Variants in MACROD2 observed in about 807,000 individuals in gnomAD.
The protein encoded by MACROD2 is mono-ADP ribosylhydrolase 2.
MACROD2 carries 36 observed loss-of-function variants against 70.4 expected under a neutral mutation model. The ratio of observed to expected loss-of-function variants is 0.51; its 90% CI spans 0.39 to 0.68. The LOEUF (loss-of-function observed/expected upper bound fraction) is 0.68. Among genes scored for constraint, MACROD2 ranks in the 30% least tolerant of loss-of-function variants. The probability of loss-of-function intolerance (pLI) is 0.00; values close to 1 mark genes in which losing one functional copy is unlikely to be tolerated. For synonymous variants in MACROD2, 172 were observed against 178.8 expected, an observed-to-expected ratio of 0.96 and a Z score of 0.30; for missense variants, 496 against 538.4, an observed-to-expected ratio of 0.92 and a Z score of 0.78.
chr20:15,307,546 A>G (rs1008947188), intron 6 of MACROD2, among the ~76,000 whole-genome samples: 2 of 152,108 alleles, frequency 1.3e-5, no homozygotes, highest in African/African-American at 4.8e-5. Context: ...TGTTATTTCT[A>G]TTTCCCAACT....
At chr20:14,279,251 A>G (rs1404802016) in intron 3 of MACROD2, among the ~76,000 whole-genome samples, 8 of 152,208 alleles carry the variant, frequency 5.3e-5, no homozygotes, top group South Asian at 4.1e-4. Context: ...TTCACAGACT[A>G]TCTTCTCTCC....
At chr20:15,603,423 G>T (rs894517238) in intron 8 of MACROD2, among the ~76,000 whole-genome samples, 12 of 150,682 alleles carry the variant, frequency 8.0e-5, no homozygotes, top group Admixed American at 2.0e-4. Context: ...CAGGAGAATC[G>T]CTTGAACCCG....
At chr20:14,988,488 T>C (rs578221921) in intron 5 of MACROD2, among the ~76,000 whole-genome samples, 1 of 152,292 alleles carries the variant, frequency 6.6e-6, no homozygotes, top group African/African-American at 2.4e-5. Context: ...GCAGAGGCAT[T>C]TGACTCTCTT....
At chr20:15,359,804 G>C (rs990759685) in intron 6 of MACROD2, among the ~76,000 whole-genome samples, 1 of 152,082 alleles carries the variant, frequency 6.6e-6, no homozygotes, top group African/African-American at 2.4e-5. Flanking sequence ...GTATTCTTCA[G>C]CCGGTTTCCT....
At chr20:14,982,812 G>A (rs2074813672) in intron 5 of MACROD2, among the ~76,000 whole-genome samples, 1 of 152,218 alleles carries the variant, frequency 6.6e-6, no homozygotes, top group Non-Finnish European at 1.5e-5. Flanking sequence ...ATTGGGCAGT[G>A]TGGGGTGGGA....
chr20:15,972,365 T>C (rs1168718146), intron 13 of MACROD2, among the ~76,000 whole-genome samples: 1 of 152,148 alleles, frequency 6.6e-6, no homozygotes, highest in African/African-American at 2.4e-5. Flanking sequence ...AACCCACATA[T>C]GCAAGAAGTT....
intron 6 of MACROD2, among the ~76,000 whole-genome samples, chr20:15,368,437 A>G (rs1210205377): frequency 6.9e-6 from 1 of 145,494 alleles, no homozygotes. Context: ...AAGAATATCT[A>G]TTTTCTCTTC....
Position 15,986,876 on chromosome 20 carries a change from T to G in MACROD2, c.1060+75T>G, listed in dbSNP as rs1436297641. 5.9e-6 allele frequency: 7 copies of G among 1,194,888 alleles called. No individual in the cohort carries two copies. In the East Asian group the frequency reaches 1.4e-4, roughly 24 times the overall value. The allele number at this position is 1,194,888 out of a possible 1,614,324, so 74.0% of individuals were successfully genotyped here. A position where few individuals can be genotyped will look rare whatever the true frequency, so the allele number is the denominator to read the frequency against. On this transcript the variant is annotated intron_variant, in intron 14 of 17. Transcript: ENST00000684519. ...ATCATGACTTCTATATATACCTGTG[T>G]GTGTGCGTGGTGTGTGTGTGTGTTT...
chr20:15,666,951 C>T (rs2049906862), intron 8 of MACROD2, among the ~76,000 whole-genome samples: 1 of 152,172 alleles, frequency 6.6e-6, no homozygotes, highest in Non-Finnish European at 1.5e-5. Flanking sequence ...CAGATATGTT[C>T]CCCACCTGGA....
At chr20:14,635,270 C>T (rs1362862743) in intron 4 of MACROD2, among the ~76,000 whole-genome samples, 1 of 152,160 alleles carries the variant, frequency 6.6e-6, no homozygotes, top group East Asian at 1.9e-4. Context: ...TCAATTATTG[C>T]TTGACTTCTT....
At chr20:14,329,673 G>T (rs1463433657) in intron 3 of MACROD2, among the ~76,000 whole-genome samples, 1 of 152,068 alleles carries the variant, frequency 6.6e-6, no homozygotes, top group Non-Finnish European at 1.5e-5. Context: ...ACAAGTACAT[G>T]TCAAAGAGGT....
At chr20:15,768,553 C>T (rs761235614) in intron 8 of MACROD2, among the ~76,000 whole-genome samples, 9 of 152,080 alleles carry the variant, frequency 5.9e-5, no homozygotes, top group South Asian at 2.1e-4. Context: ...CAAACATTAC[C>T]GCACACTGCT....
At chr20:15,571,971 T>G (rs553904801) in intron 8 of MACROD2, among the ~76,000 whole-genome samples, 2 of 152,236 alleles carry the variant, frequency 1.3e-5, no homozygotes, top group East Asian at 3.9e-4. Context: ...TTTGACCAGT[T>G]TTTTGTTTGT....
intron 5 of MACROD2, among the ~76,000 whole-genome samples, chr20:14,983,444 A>G (rs2074819802): frequency 6.6e-6 from 1 of 152,064 alleles, no homozygotes; most frequent in South Asian, 2.1e-4. Flanking sequence ...TCCCCACCCA[A>G]ATCTCATCTT....
chr20:14,078,740 A>G (rs931014878), intron 2 of MACROD2, among the ~76,000 whole-genome samples: 3 of 152,124 alleles, frequency 2.0e-5, no homozygotes, highest in African/African-American at 7.2e-5. Context: ...ACTGACCTTG[A>G]GATTTCCCAT....
intron 6 of MACROD2, among the ~76,000 whole-genome samples, chr20:15,337,295 G>A (rs2078058913): frequency 6.6e-6 from 1 of 151,738 alleles, no homozygotes; most frequent in South Asian, 2.1e-4. Context: ...TTTTCCTGGA[G>A]AAAGGTTAGT....
chr20:14,808,100 A>G (rs1279084161), intron 5 of MACROD2, among the ~76,000 whole-genome samples: 1 of 152,052 alleles, frequency 6.6e-6, no homozygotes, highest in Non-Finnish European at 1.5e-5. Flanking sequence ...AGAACATTGC[A>G]AAGATACTCC....
intron 5 of MACROD2, among the ~76,000 whole-genome samples, chr20:14,992,517 G>A (rs2074913829): frequency 6.6e-6 from 1 of 152,144 alleles, no homozygotes; most frequent in Non-Finnish European, 1.5e-5. Context: ...GTTGACATTA[G>A]GGGCTGACTA....
chr20:15,439,326 C>T (rs1391222185), intron 7 of MACROD2, among the ~76,000 whole-genome samples: 3 of 152,152 alleles, frequency 2.0e-5, no homozygotes, highest in Non-Finnish European at 2.9e-5. Context: ...CCTAGTTCTG[C>T]TATAATGAAA....
Sources: gnomAD v4.1 joint callset for allele counts (sites outside exome capture counted in the v4.1 genomes callset) on GRCh38, gnomAD v4.1.1 for gene constraint, MANE v1.5 for transcripts, NCBI Gene and HGNC (gene_info 2026-07-23, HGNC 2026-07-21) for gene names.